Variants in SOBP observed in about 807,000 individuals in gnomAD.
SOBP encodes the protein sine oculis binding protein homolog, also known as sine oculis-binding protein homolog.
Under a neutral mutation model 53.6 loss-of-function variants are expected in SOBP, and 4 were observed. That is an observed-to-expected ratio of 0.07 (90% CI 0.04 to 0.17). The LOEUF is 0.17. Ranked by LOEUF, SOBP falls within the 10% of genes least tolerant of loss-of-function variation. SOBP has a pLI of 1.00. For synonymous variants in SOBP, 584 were observed against 522.6 expected (o/e 1.12, Z -1.60); for missense variants, 1,088 against 1,204.7 (o/e 0.90, Z 1.43).
At chr6:107,607,359 G>A (rs571723094) in intron 5 of SOBP, among the ~76,000 whole-genome samples, 62 of 152,296 alleles carry the variant, frequency 4.1e-4, no homozygotes, top group South Asian at 3.7e-3. Flanking sequence ...TCTGGGACAG[G>A]CCCAACATGA....
chr6:107,626,519 C>T (rs1178268588), intron 5 of SOBP, among the ~76,000 whole-genome samples: 1 of 152,200 alleles, frequency 6.6e-6, no homozygotes, highest in Non-Finnish European at 1.5e-5. Flanking sequence ...CTCCAGTTTC[C>T]TGGGGCAGAT....
Position 107,627,985 on chromosome 6 carries a change from A to G in SOBP, c.670-5529A>G, listed in dbSNP as rs1453839699. ...TGGCAGGTTGGGGTCATCCAGTCTT[A>G]AAAGGCACCTGATACTGTGGCTTCT... On this transcript the variant is annotated intron_variant, in intron 5 of 6. Transcript: ENST00000317357. 2.6e-5 allele frequency among the ~76,000 whole-genome samples: 4 copies of G among 152,188 alleles called. 1 individual carries two copies. The highest frequency in any genetic ancestry group is 5.9e-5 in the Non-Finnish European group (4 of 68,030).
chr6:107,584,052 G>A (rs1785490574), intron 4 of SOBP, among the ~76,000 whole-genome samples: 1 of 152,034 alleles, frequency 6.6e-6, no homozygotes, highest in Admixed American at 6.5e-5. Flanking sequence ...CACTCCAGTG[G>A]GCCTGGGACC....
chr6:107,631,953 C>G (rs772840241), intron 5 of SOBP, among the ~76,000 whole-genome samples: 1 of 152,192 alleles, frequency 6.6e-6, no homozygotes, highest in Non-Finnish European at 1.5e-5. Context: ...CCACATCTGC[C>G]AAGTGCGTGT....
chr6:107,655,313 C>T (rs1771985220), intron 6 of SOBP, among the ~76,000 whole-genome samples: 1 of 152,076 alleles, frequency 6.6e-6, no homozygotes, highest in Non-Finnish European at 1.5e-5. Context: ...TCATTTTCAT[C>T]GATTCCAGAG....
chr6:107,580,758 C>T (rs1388259263), intron 4 of SOBP, among the ~76,000 whole-genome samples: 1 of 152,192 alleles, frequency 6.6e-6, no homozygotes, highest in East Asian at 1.9e-4. Flanking sequence ...AAATTGAGTG[C>T]AAGATCTTCT....
chr6:107,594,539 C>T (rs938284411), intron 5 of SOBP, among the ~76,000 whole-genome samples: 1 of 151,640 alleles, frequency 6.6e-6, no homozygotes, highest in African/African-American at 2.4e-5. Context: ...TTCATTCTGC[C>T]TAACCATTTA....
chr6:107,644,197 G>A (rs1008877589), intron 6 of SOBP, among the ~76,000 whole-genome samples: 2 of 152,176 alleles, frequency 1.3e-5, no homozygotes, highest in African/African-American at 2.4e-5. Flanking sequence ...CCAGCTACTT[G>A]GGAGGCTGAG....
In SOBP at chr6:107,633,703, G is replaced by C. The variant is rs1441038137; in HGVS notation, c.859G>C (p.Ala287Pro). 6.2e-7 allele frequency: 1 copy of C among 1,614,184 alleles called. No homozygotes were observed. The highest frequency in any genetic ancestry group is 8.5e-7 in the Non-Finnish European group (1 of 1,180,028). Residue 287 changes from alanine (A) to proline (P), a missense_variant, in exon 6 of 7, where the codon GCA becomes CCA. This residue lies in a region of SOBP where 211 missense variants were observed against 258.9 expected (regional missense o/e 0.82). Transcript: ENST00000317357. ...ATTACACCCTCCCATGGAAAATAAA[G>C]CAGAAGGCACCGGGGTGCAGCTGCT... Reference protein sequence around the residue: ...STLHPPMENKAEGTGVQLLTP... With the variant: ...STLHPPMENKPEGTGVQLLTP...
intron 5 of SOBP, among the ~76,000 whole-genome samples, chr6:107,605,622 G>A (rs1023240516): frequency 9.2e-5 from 14 of 152,200 alleles, no homozygotes; most frequent in African/African-American, 3.4e-4. Context: ...GCATTCTGAT[G>A]TGACTCCCAG....
chr6:107,493,719 C>G (rs536860437), intron 1 of SOBP, among the ~76,000 whole-genome samples: 16 of 152,308 alleles, frequency 1.1e-4, no homozygotes, highest in Admixed American at 4.6e-4. Flanking sequence ...AACAAACTTG[C>G]CTCATCACGG....
At chr6:107,644,900 C>T (rs1052463581) in intron 6 of SOBP, among the ~76,000 whole-genome samples, 5 of 152,212 alleles carry the variant, frequency 3.3e-5, no homozygotes, top group Admixed American at 6.5e-5. Context: ...ATGCAGATCT[C>T]TTCAATCCTC....
chr6:107,527,414 A>C (rs1400141321), intron 3 of SOBP, among the ~76,000 whole-genome samples: 1 of 152,210 alleles, frequency 6.6e-6, no homozygotes, highest in Non-Finnish European at 1.5e-5. Flanking sequence ...TGTTCTTTGT[A>C]TTCAAGGATA....
At chr6:107,603,730 A>G (rs1786268049) in intron 5 of SOBP, among the ~76,000 whole-genome samples, 2 of 152,146 alleles carry the variant, frequency 1.3e-5, no homozygotes, top group South Asian at 4.1e-4. Context: ...GTGAGATACC[A>G]TGAGGTCTCA....
intron 5 of SOBP, among the ~76,000 whole-genome samples, chr6:107,613,353 G>A (rs147046855): frequency 3.3e-4 from 51 of 152,292 alleles, no homozygotes; most frequent in Non-Finnish European, 6.6e-4. Flanking sequence ...CTTTGACCTT[G>A]TTTCAAGGTG....
At chr6:107,647,965 A>G (rs971308774) in intron 6 of SOBP, among the ~76,000 whole-genome samples, 1 of 152,194 alleles carries the variant, frequency 6.6e-6, no homozygotes, top group East Asian at 1.9e-4. Flanking sequence ...AGAAATCAGT[A>G]TTATAGCTCT....
At position 107,634,193 on chromosome 6, in the gene SOBP, C is replaced by G; in HGVS notation, c.1349C>G (p.Pro450Arg). The G allele has an allele frequency of 6.2e-7, 1 of 1,606,362 alleles. No homozygotes were observed. Among genetic ancestry groups the G allele is most frequent in the Non-Finnish European group, 8.5e-7 (1 of 1,178,354 alleles). Residue 450 changes from proline to arginine, a missense_variant, in exon 6 of 7, where the codon CCC (proline) becomes CGC (arginine). Coordinates refer to ENST00000317357, the MANE Select transcript of SOBP (RefSeq NM_018013.4). This position sits in a 1 kb window ranked among gnomAD's most constrained non-coding sequence, Gnocchi z 4.5. The part of the protein sequence containing the change: ...GPRNLGPTSS[P>R]MHRPMLSPHI... ...AGAAACCTGGGCCCCACTTCCAGCC[C>G]CATGCACCGGCCCATGCTATCGCCC...
chr6:107,648,033 A>G (rs1208451573), intron 6 of SOBP, among the ~76,000 whole-genome samples: 1 of 152,118 alleles, frequency 6.6e-6, no homozygotes, highest in Admixed American at 6.5e-5. Context: ...TCTCTCTGCT[A>G]ATGGGCTGGT....
chr6:107,582,412 G>A (rs903653082), intron 4 of SOBP, among the ~76,000 whole-genome samples: 6 of 152,160 alleles, frequency 3.9e-5, no homozygotes, highest in African/African-American at 1.4e-4. Context: ...TTTTGAAGTA[G>A]AGAGGCAATT....
Sources: gnomAD v4.1 joint callset for allele counts (sites outside exome capture counted in the v4.1 genomes callset) on GRCh38, gnomAD v4.1.1 for gene constraint, gnomAD v4.1.1 regional missense constraint, Gnocchi (gnomAD v3.1) non-coding constraint, MANE v1.5 for transcripts, NCBI Gene and HGNC (gene_info 2026-07-23, HGNC 2026-07-21) for gene names.